Variants in ZNF678 observed in about 807,000 individuals in gnomAD.
ZNF678 encodes the protein hypothetical protein MGC42493.
ZNF678 carries 5 observed loss-of-function variants against 3.0 expected under a neutral mutation model. That is an observed-to-expected ratio of 1.69 (90% CI 0.88 to 3.56). The LOEUF is 3.56. Among genes scored for constraint, ZNF678 ranks in the 30% most tolerant of loss-of-function variants. The pLI is 0.00. For synonymous variants in ZNF678, 218 were observed against 199.6 expected (o/e 1.09, Z -0.78); for missense variants, 593 against 605.0 (o/e 0.98, Z 0.21).
At chr1:227,617,663 G>A (rs1295375048) in intron 1 of ZNF678, among the ~76,000 whole-genome samples, 3 of 152,152 alleles carry the variant, frequency 2.0e-5, no homozygotes, top group Non-Finnish European at 2.9e-5. Context: ...TGGCGTATCA[G>A]TTCATTGGCC....
chr1:227,571,152 T>G (rs1656830666), intron 1 of ZNF678, among the ~76,000 whole-genome samples: 1 of 152,222 alleles, frequency 6.6e-6, no homozygotes, highest in Non-Finnish European at 1.5e-5. Context: ...TTATTTGTAG[T>G]GTAAATACTT....
At chr1:227,639,286 C>G (rs1174704175) in intron 1 of ZNF678, among the ~76,000 whole-genome samples, 1 of 152,214 alleles carries the variant, frequency 6.6e-6, no homozygotes, top group Non-Finnish European at 1.5e-5. Context: ...AGCTGCCACC[C>G]AGTGGGCCAG....
intron 1 of ZNF678, among the ~76,000 whole-genome samples, chr1:227,585,463 G>T (rs1036154993): frequency 6.6e-6 from 1 of 152,088 alleles, no homozygotes; most frequent in Admixed American, 6.6e-5. Flanking sequence ...GAAAATGTTA[G>T]AAATAGAAAA....
intron 1 of ZNF678, among the ~76,000 whole-genome samples, chr1:227,610,640 C>T (rs1263578464): frequency 6.6e-6 from 1 of 152,190 alleles, no homozygotes; most frequent in Non-Finnish European, 1.5e-5. Context: ...CTCTCAGTGA[C>T]TATTTCCTGT....
chr1:227,603,147 G>C (rs1263988545), intron 1 of ZNF678, among the ~76,000 whole-genome samples: 1 of 152,172 alleles, frequency 6.6e-6, no homozygotes, highest in Non-Finnish European at 1.5e-5. Flanking sequence ...TGAAGTCTCA[G>C]GCTTTGTGAG....
downstream of ZNF678, among the ~76,000 whole-genome samples, chr1:227,667,323 A>G (rs1289286530): frequency 1.3e-5 from 2 of 152,158 alleles, no homozygotes; most frequent in African/African-American, 2.4e-5. Context: ...GACATGAGAC[A>G]CCACACCCCA....
intron 1 of ZNF678, among the ~76,000 whole-genome samples, chr1:227,631,789 G>T (rs12070002): frequency 6.6e-6 from 1 of 152,050 alleles, no homozygotes; most frequent in Non-Finnish European, 1.5e-5. Flanking sequence ...GCGCCATGTT[G>T]TCCTTCCAGT....
intron 2 of ZNF678, among the ~76,000 whole-genome samples, chr1:227,650,454 T>C (rs1405223806): frequency 1.3e-5 from 2 of 152,226 alleles, no homozygotes; most frequent in Admixed American, 1.3e-4. Context: ...TTTGTTCTTA[T>C]TTCTCAACTA....
At position 227,676,326 on chromosome 1, in the gene ZNF678, G is replaced by A. The variant is rs536040886; in HGVS notation, c.227-853G>A. ...AACTAGGAGTTACAAGATTTTAACA[G>A]TGTAAGACTACCAAATGTAAGCTCA... On this transcript the variant is annotated intron_variant, in intron 5 of 5. Coordinates refer to the ZNF678 transcript ENST00000608949. Among the ~76,000 whole-genome samples the A allele has an allele frequency of 2.6e-5, 4 of 152,266 alleles. No homozygotes were observed. In the South Asian group the frequency reaches 8.3e-4, roughly 32 times the overall value.
intron 1 of ZNF678, among the ~76,000 whole-genome samples, chr1:227,636,794 T>A (rs1658690527): frequency 6.6e-6 from 1 of 152,198 alleles, no homozygotes. Context: ...TCACTGCAGT[T>A]GGCCTGCTGA....
intron 3 of ZNF678, among the ~76,000 whole-genome samples, chr1:227,652,736 A>T (rs1659119584): frequency 1.3e-5 from 2 of 152,032 alleles, no homozygotes; most frequent in Non-Finnish European, 1.5e-5. Context: ...ACATCAACAG[A>T]TGTTTATTGT....
intron 1 of ZNF678, among the ~76,000 whole-genome samples, chr1:227,631,139 C>T (rs751701661): frequency 4.6e-5 from 7 of 152,066 alleles, no homozygotes; most frequent in Non-Finnish European, 1.0e-4. Flanking sequence ...GGGAACGTTT[C>T]CCATCTGAAA....
chr1:227,596,392 T>G (rs1189437327), intron 1 of ZNF678, among the ~76,000 whole-genome samples: 1 of 152,202 alleles, frequency 6.6e-6, no homozygotes, highest in Non-Finnish European at 1.5e-5. Flanking sequence ...AGTGAGCAAT[T>G]CCTGTCCCTT....
At chr1:227,578,307 C>T (rs550943533) in intron 1 of ZNF678, among the ~76,000 whole-genome samples, 7 of 152,286 alleles carry the variant, frequency 4.6e-5, no homozygotes, top group Admixed American at 3.3e-4. Flanking sequence ...GGAAAGTTCT[C>T]GTGGATGACA....
At chr1:227,597,663 G>A (rs1657628566) in intron 1 of ZNF678, among the ~76,000 whole-genome samples, 1 of 152,156 alleles carries the variant, frequency 6.6e-6, no homozygotes, top group Non-Finnish European at 1.5e-5. Flanking sequence ...GCAAATGGCT[G>A]TTTCTCTGGT....
At chr1:227,566,185 G>A (rs955959170) in intron 1 of ZNF678, among the ~76,000 whole-genome samples, 5 of 152,172 alleles carry the variant, frequency 3.3e-5, no homozygotes, top group Admixed American at 1.3e-4. Context: ...TCCTCCCAGA[G>A]GACAGCCTAT....
At chr1:227,649,864 T>C (rs1659048606) in intron 2 of ZNF678, among the ~76,000 whole-genome samples, 2 of 152,180 alleles carry the variant, frequency 1.3e-5, no homozygotes, top group South Asian at 2.1e-4. Context: ...TTATTATTAT[T>C]ATCATTATTA....
At chr1:227,597,859 A>G (rs1657633634) in intron 1 of ZNF678, among the ~76,000 whole-genome samples, 1 of 152,230 alleles carries the variant, frequency 6.6e-6, no homozygotes, top group African/African-American at 2.4e-5. Flanking sequence ...AAGTGTGGCT[A>G]CTATGTCCAC....
At chr1:227,591,652 G>C (rs190735649) in intron 1 of ZNF678, among the ~76,000 whole-genome samples, 1 of 152,218 alleles carries the variant, frequency 6.6e-6, no homozygotes, top group East Asian at 1.9e-4. Flanking sequence ...AAAAACTGTG[G>C]TCATGGGAGG....
Sources: gnomAD v4.1 joint callset for allele counts (sites outside exome capture counted in the v4.1 genomes callset) on GRCh38, gnomAD v4.1.1 for gene constraint, MANE v1.5 for transcripts, NCBI Gene and HGNC (gene_info 2026-07-23, HGNC 2026-07-21) for gene names.